ADAM22: variants seen among roughly 807,000 people sequenced by gnomAD.
ADAM22 encodes the protein disintegrin and metalloproteinase domain-containing protein 22.
A neutral mutation model predicts 144.6 loss-of-function variants in ADAM22; 65 were observed. The observed-to-expected ratio is 0.45, with a 90% CI of 0.37 to 0.55. The LOEUF (loss-of-function observed/expected upper bound fraction) is 0.55, where lower values mean the gene tolerates loss of function less well. ADAM22 is among the 20% of genes least tolerant of loss of function. The probability of loss-of-function intolerance (pLI) is 0.00; values close to 1 mark genes in which losing one functional copy is unlikely to be tolerated. For synonymous variants in ADAM22, 391 were observed against 412.6 expected (o/e 0.95, Z 0.63); for missense variants, 974 against 1,184.9 (o/e 0.82, Z 2.61).
At chr7:88,048,723 G>A (rs1486894540) in intron 3 of ADAM22, among the ~76,000 whole-genome samples, 1 of 151,948 alleles carries the variant, frequency 6.6e-6, no homozygotes, top group East Asian at 1.9e-4. Context: ...TGGTCGCTAA[G>A]TCTAGAAACA....
chr7:87,951,230 A>C (rs917046799), intron 2 of ADAM22, among the ~76,000 whole-genome samples: 5 of 143,110 alleles, frequency 3.5e-5, no homozygotes, highest in African/African-American at 5.4e-5. Flanking sequence ...TATGTCCTGA[A>C]TGGTAATGCC....
At position 88,096,455 on chromosome 7, in the gene ADAM22, C is replaced by T. The variant is rs141614194; in HGVS notation, c.391-11721C>T. Among the ~76,000 whole-genome samples, 316 of 151,440 alleles carry T rather than the reference C, an allele frequency of 2.1e-3. 1 individual carries two copies. Among genetic ancestry groups the T allele is most frequent in the Non-Finnish European group, 2.9e-3 (195 of 67,782 alleles). ...TACTCAAGTACCATTTTAGCAGCAT[C>T]CTAAAGCTCTGCTACATAGTTTTTT... On this transcript the variant is annotated intron_variant, in intron 4 of 31. Transcript: ENST00000413139.
intron 3 of ADAM22, among the ~76,000 whole-genome samples, chr7:88,008,146 A>G (rs1032185890): frequency 4.0e-5 from 6 of 151,878 alleles, no homozygotes; most frequent in African/African-American, 1.2e-4. Flanking sequence ...AACACATGAA[A>G]AAATGCTCAT....
intron 2 of ADAM22, among the ~76,000 whole-genome samples, chr7:87,963,969 C>A (rs1848530306): frequency 6.6e-6 from 1 of 152,066 alleles, no homozygotes; most frequent in Admixed American, 6.6e-5. Context: ...TTAGATATCA[C>A]CAAGGTTATA....
At chr7:88,052,293 C>G (rs189882281) in intron 3 of ADAM22, among the ~76,000 whole-genome samples, 3 of 148,784 alleles carry the variant, frequency 2.0e-5, no homozygotes, top group Non-Finnish European at 3.0e-5. Flanking sequence ...GTCAGGAGAT[C>G]GAGACCATCC....
intron 3 of ADAM22, among the ~76,000 whole-genome samples, chr7:88,024,390 G>A (rs1200332361): frequency 1.3e-5 from 2 of 151,956 alleles, no homozygotes; most frequent in Non-Finnish European, 2.9e-5. Context: ...TTTTAACTGG[G>A]GTGAGATGAT....
At chr7:88,063,416 A>G (rs1249466843) in intron 3 of ADAM22, among the ~76,000 whole-genome samples, 6 of 152,170 alleles carry the variant, frequency 3.9e-5, no homozygotes, top group Admixed American at 3.3e-4. Flanking sequence ...GAGAGACAAG[A>G]TAAAAACTTA....
intron 24 of ADAM22, among the ~76,000 whole-genome samples, chr7:88,167,711 T>A (rs1048038842): frequency 6.6e-6 from 1 of 152,314 alleles, no homozygotes; most frequent in Non-Finnish European, 1.5e-5. Flanking sequence ...AGACAAAATA[T>A]AACACACACA....
chr7:87,976,639 G>A lies in ADAM22; in HGVS notation c.247-1697G>A, dbSNP rs1336125055. ...TAAATCTTGAAGGATGAGTAGGGCC[G>A]TTTCTGGGAAACAGCTTTGGGGAAG... On this transcript the variant is annotated intron_variant, in intron 2 of 31. Coordinates refer to ENST00000413139, the MANE Select transcript of ADAM22 (RefSeq NM_001324418.2). Among the ~76,000 whole-genome samples, 6 of 152,184 alleles carry A rather than the reference G, an allele frequency of 3.9e-5. No individual in the cohort carries two copies. In the South Asian group the frequency reaches 6.2e-4, roughly 16 times the overall value.
chr7:88,181,055 G>GT (rs1226492741), intron 27 of ADAM22, among the ~76,000 whole-genome samples: 11 of 152,018 alleles, frequency 7.2e-5, no homozygotes, highest in Non-Finnish European at 1.0e-4. Flanking sequence ...TGTTAACCAG[G>GT]TTCACTTGAG....
intron 3 of ADAM22, among the ~76,000 whole-genome samples, chr7:88,018,378 G>A (rs1797016440): frequency 6.6e-6 from 1 of 151,730 alleles, no homozygotes; most frequent in South Asian, 2.1e-4. Context: ...TGTCATTATT[G>A]GACTCCTCTG....
At chr7:88,069,395 CT>C (rs1201533319) in intron 3 of ADAM22, among the ~76,000 whole-genome samples, 1 of 152,166 alleles carries the variant, frequency 6.6e-6, no homozygotes, top group Non-Finnish European at 1.5e-5. Context: ...ATTACCTAGT[CT>C]GTGATATTCT....
chr7:88,194,425 C>T (rs1477264028), intron 31 of ADAM22, among the ~76,000 whole-genome samples: 1 of 152,248 alleles, frequency 6.6e-6, no homozygotes, highest in East Asian at 1.9e-4. Flanking sequence ...GTGGAACAGC[C>T]ACATAAGCAT....
At chr7:88,033,629 T>A (rs2097917) in intron 3 of ADAM22, among the ~76,000 whole-genome samples, 65,089 of 152,098 alleles carry the variant, frequency 0.43, 14,605 homozygotes, top group East Asian at 0.59. Flanking sequence ...TGTTCTTCCC[T>A]ACAGGGCAAT....
intron 3 of ADAM22, among the ~76,000 whole-genome samples, chr7:88,042,843 T>C (rs887837277): frequency 3.3e-5 from 5 of 151,406 alleles, no homozygotes; most frequent in Non-Finnish European, 5.9e-5. Context: ...TCTCAAGGTG[T>C]CCTGATTGTC....
rs749835127 is a variant in ADAM22 at position 88,193,133 on chromosome 7, A to C, written c.2768A>C (p.Lys923Thr). The C allele has an allele frequency of 6.2e-7, 1 of 1,614,068 alleles. No homozygotes were observed. The highest frequency in any genetic ancestry group is 1.7e-5 in the Admixed American group (1 of 60,024). Residue 923 changes from lysine to threonine, a missense_variant, in exon 31 of 32, where the codon AAG (lysine) becomes ACG (threonine). Physicochemically the swap from Lys to Thr is moderately conservative, Grantham distance 78. This residue lies in a region of ADAM22 where 734 missense variants were observed against 950.6 expected (regional missense o/e 0.77). Transcript: ENST00000413139. ...CATCTCAGGACTTTATCTCCTGCCA[A>C]GTCTCCTTCTTCATCAACTGGGTCT... ...GPYFRTLSPA[K>T]SPSSSTGSIA... is the part of the protein sequence containing the mutation.
intron 3 of ADAM22, among the ~76,000 whole-genome samples, chr7:88,074,723 T>C (rs2129480049): frequency 6.6e-6 from 1 of 152,332 alleles, no homozygotes; most frequent in African/African-American, 2.4e-5. Context: ...TTATGGTGCC[T>C]GCATTAATGT....
At chr7:88,145,283 A>G in intron 16 of ADAM22, 87 bp downstream of exon 16, 2 of 1,509,812 alleles carry the variant, frequency 1.3e-6, no homozygotes, top group Non-Finnish European at 1.8e-6. Context: ...AGCAAATGTC[A>G]TGCCTGGAAT....
At chr7:88,055,063 A>G (rs1807822783) in intron 3 of ADAM22, among the ~76,000 whole-genome samples, 1 of 152,094 alleles carries the variant, frequency 6.6e-6, no homozygotes, top group South Asian at 2.1e-4. Context: ...CAGGGGTTTT[A>G]TAATGGAACA....
Sources: allele counts gnomAD v4.1 joint callset (sites outside exome capture counted in the v4.1 genomes callset), GRCh38; gene constraint gnomAD v4.1.1; regional missense constraint gnomAD v4.1.1; transcripts MANE v1.5; gene names NCBI Gene and HGNC (gene_info 2026-07-23, HGNC 2026-07-21).